Variants in SPRYD4 observed in about 807,000 individuals in gnomAD.
SPRYD4 encodes the protein SPRY domain-containing protein 4.
SPRYD4 carries 12 observed loss-of-function variants against 16.6 expected under a neutral mutation model. The ratio of observed to expected loss-of-function variants is 0.72; its 90% CI spans 0.46 to 1.17. SPRYD4 has a LOEUF of 1.17. Among genes scored for constraint, SPRYD4 ranks in the 50% most tolerant of loss-of-function variants. The pLI, the probability that SPRYD4 is intolerant of heterozygous loss-of-function variation, is 0.00. For missense variants in SPRYD4, 260 were observed against 260.2 expected (o/e 1.00, Z 0.00); for synonymous variants, 98 against 105.4 (o/e 0.93, Z 0.43).
Position 56,473,498 on chromosome 12 carries a change from G to C in SPRYD4, c.*3921G>C, listed in dbSNP as rs749286290. 6.2e-7 allele frequency: 1 copy of C among 1,613,936 alleles called. No individual in the cohort carries two copies. Among genetic ancestry groups the C allele is most frequent in the Admixed American group, 1.7e-5 (1 of 60,014 alleles). ...CTGGTCCCCCTATGGCTGTTCCCCAGCTTGTCCAATGGGGGTGACAGGCAC... is the reference window on the plus strand; with the variant it reads ...CTGGTCCCCCTATGGCTGTTCCCCACCTTGTCCAATGGGGGTGACAGGCAC... On this transcript the variant is annotated 3_prime_UTR_variant, in exon 2 of 2. Transcript: ENST00000338146.
At position 56,469,993 on chromosome 12, in the gene SPRYD4, G is replaced by C. The variant is rs1869167531; in HGVS notation, c.*416G>C. On this transcript the variant is annotated 3_prime_UTR_variant, in exon 2 of 2. Transcript: ENST00000338146. Reference sequence around the variant, plus strand: ...CTTGGGGCTCTACCAGATGGCTGAAGAGTAAATCCTTTCTACCTCTGGCTG... The same window carrying C: ...CTTGGGGCTCTACCAGATGGCTGAACAGTAAATCCTTTCTACCTCTGGCTG... 1 of 177,568 alleles carries C rather than the reference G, an allele frequency of 5.6e-6. No individual in the cohort carries two copies. Among genetic ancestry groups the C allele is most frequent in the Admixed American group, 5.4e-5 (1 of 18,590 alleles). 11.0% of individuals were successfully genotyped at this position (177,568 alleles called of 1,614,324 possible). A position where few individuals can be genotyped will look rare whatever the true frequency, so the allele number is the denominator to read the frequency against.
rs111757677 is a variant in SPRYD4, at chr12:56,469,637, G to C, written c.*60G>C. On this transcript the variant is annotated 3_prime_UTR_variant, in exon 2 of 2. Coordinates refer to ENST00000338146, the MANE Select transcript of SPRYD4 (RefSeq NM_207344.4). Reference sequence around the variant, plus strand: ...GGCCAGCCTCCTTTTGAAAGTGTCCGAAGCCTTTTTACTTTGCCTCAAGCA... The same window carrying C: ...GGCCAGCCTCCTTTTGAAAGTGTCCCAAGCCTTTTTACTTTGCCTCAAGCA... 6.6e-7 allele frequency: 1 copy of C among 1,507,794 alleles called. No homozygotes were observed. The highest frequency in any genetic ancestry group is 8.9e-7 in the Non-Finnish European group (1 of 1,126,340). 93.4% of individuals were successfully genotyped at this position (1,507,794 alleles called of 1,614,324 possible). A position where few individuals can be genotyped will look rare whatever the true frequency, so the allele number is the denominator to read the frequency against.
chr12:56,477,990 A>G lies in SPRYD4; in HGVS notation c.*8413A>G. 6.2e-7 allele frequency: 1 copy of G among 1,614,192 alleles called. No individual in the cohort carries two copies. The highest frequency in any genetic ancestry group is 8.5e-7 in the Non-Finnish European group (1 of 1,180,034). On this transcript the variant is annotated 3_prime_UTR_variant, in exon 2 of 2. Coordinates refer to ENST00000338146, the MANE Select transcript of SPRYD4 (RefSeq NM_207344.4). ...AGGCCACTTGGCTCTTTGCCCACAAACTTGTGCACGTAGTCAGTGCCTAGG... is the reference window on the plus strand; with the variant it reads ...AGGCCACTTGGCTCTTTGCCCACAAGCTTGTGCACGTAGTCAGTGCCTAGG...
chr12:56,468,645 A>T lies in SPRYD4; in HGVS notation c.54A>T (p.Arg18=). The T allele has an allele frequency of 6.2e-7, 1 of 1,614,072 alleles. No individual in the cohort carries two copies. The highest frequency in any genetic ancestry group is 8.5e-7 in the Non-Finnish European group (1 of 1,179,976). ...SLRLCRWGAK[R]LGVASTEAQR... is the part of the protein sequence containing the mutation. ...GCTTGTGCCGCTGGGGAGCCAAACGATTGGGAGTTGCCTCCACAGAGGCCC... is the reference window on the plus strand; with the variant it reads ...GCTTGTGCCGCTGGGGAGCCAAACGTTTGGGAGTTGCCTCCACAGAGGCCC... Residue 18 remains arginine, a synonymous_variant, in exon 1 of 2, where the codon CGA becomes CGT. Transcript: ENST00000338146.
chr12:56,478,150 C>A lies in SPRYD4; in HGVS notation c.*8573C>A. ...GTTGGCCTGTGTTCGGCACCTGTGC[C>A]CTGCCTCCCCTTCCTCTTGCCCAGC... On this transcript the variant is annotated 3_prime_UTR_variant, in exon 2 of 2. Coordinates refer to ENST00000338146, the MANE Select transcript of SPRYD4 (RefSeq NM_207344.4). 1.2e-6 allele frequency: 2 copies of A among 1,614,144 alleles called. No individual in the cohort carries two copies. Among genetic ancestry groups the A allele is most frequent in the Non-Finnish European group, 8.5e-7 (1 of 1,180,004 alleles).
In SPRYD4 at chr12:56,473,168, C is replaced by T. The variant is rs1033431557; in HGVS notation, c.*3591C>T. ...CCTCTCAAAGTGCAGGGATTACAGG[C>T]GTGAGCCACCGCACCTGGCCTTTGA... On this transcript the variant is annotated 3_prime_UTR_variant, in exon 2 of 2. Coordinates refer to ENST00000338146, the MANE Select transcript of SPRYD4 (RefSeq NM_207344.4). 48 of 1,492,592 alleles carry T rather than the reference C, an allele frequency of 3.2e-5. No individual in the cohort carries two copies. Among genetic ancestry groups the T allele is most frequent in the African/African-American group, 2.6e-4 (19 of 72,312 alleles). The allele number at this position is 1,492,592 out of a possible 1,614,324, so 92.5% of individuals were successfully genotyped here. A position where few individuals can be genotyped will look rare whatever the true frequency, so the allele number is the denominator to read the frequency against.
In SPRYD4 at chr12:56,471,565, G is replaced by A; in HGVS notation, c.*1988G>A. The A allele has an allele frequency of 1.2e-6, 2 of 1,614,170 alleles. No individual in the cohort carries two copies. The highest frequency in any genetic ancestry group is 1.7e-6 in the Non-Finnish European group (2 of 1,180,020). The stretch of plus-strand genomic sequence containing the variant: ...CCTGAGTTTCAGAGAGTGTGTAGGA[G>A]TCCTGGTAATCTTGAAGCAGTTTGA... On this transcript the variant is annotated 3_prime_UTR_variant, in exon 2 of 2. Transcript: ENST00000338146.
At position 56,473,330 on chromosome 12, in the gene SPRYD4, T is replaced by G; in HGVS notation, c.*3753T>G. ...AGAGAGACACCAACTTCTAGAATTG[T>G]AAGCCAAATATATTGTTTATTTACT... On this transcript the variant is annotated 3_prime_UTR_variant, in exon 2 of 2. Coordinates refer to ENST00000338146, the MANE Select transcript of SPRYD4 (RefSeq NM_207344.4). 6.2e-7 allele frequency: 1 copy of G among 1,614,006 alleles called. No individual in the cohort carries two copies. The highest frequency in any genetic ancestry group is 1.3e-5 in the African/African-American group (1 of 75,058).
chr12:56,475,314 CA>C lies in SPRYD4; in HGVS notation c.*5740del. The C allele has an allele frequency of 7.6e-7, 1 of 1,311,182 alleles. No homozygotes were observed. The highest frequency in any genetic ancestry group is 1.0e-6 in the Non-Finnish European group (1 of 969,316). The allele number at this position is 1,311,182 out of a possible 1,614,324, so 81.2% of individuals were successfully genotyped here. A position where few individuals can be genotyped will look rare whatever the true frequency, so the allele number is the denominator to read the frequency against. On this transcript the variant is annotated 3_prime_UTR_variant, in exon 2 of 2. Coordinates refer to ENST00000338146, the MANE Select transcript of SPRYD4 (RefSeq NM_207344.4). ...GTTTTGTTATAAAGTAAACCCAAACCAAACACCCCAAACTGTCTAGTCATCT... is the reference window on the plus strand; with the variant it reads ...GTTTTGTTATAAAGTAAACCCAAACCAACACCCCAAACTGTCTAGTCATCT...
chr12:56,472,882 ATTCT>A lies in SPRYD4; in HGVS notation c.*3308_*3311del. The A allele has an allele frequency of 1.8e-6, 1 of 544,650 alleles. No individual in the cohort carries two copies. Among genetic ancestry groups the A allele is most frequent in the South Asian group, 2.4e-5 (1 of 40,998 alleles). 33.7% of individuals were successfully genotyped at this position (544,650 alleles called of 1,614,324 possible). A position where few individuals can be genotyped will look rare whatever the true frequency, so the allele number is the denominator to read the frequency against. ...GTTATGGAATGTGCTACTCTGAAAT[ATTCT>A]TTTTTTTTTTTTTTTTTTTGAGACG... is the stretch of plus-strand genomic sequence containing the variant. On this transcript the variant is annotated 3_prime_UTR_variant, in exon 2 of 2. Coordinates refer to ENST00000338146, the MANE Select transcript of SPRYD4 (RefSeq NM_207344.4).
chr12:56,471,897 A>C lies in SPRYD4; in HGVS notation c.*2320A>C. 6.5e-7 allele frequency: 1 copy of C among 1,540,152 alleles called. No homozygotes were observed. The highest frequency in any genetic ancestry group is 1.7e-5 in the Admixed American group (1 of 59,930). ...AGGTCTTGAACCCTTTGGTGCAGAC[A>C]CTTAGCCACTGAAGTCTTTACCAAG... is the stretch of plus-strand genomic sequence containing the variant. On this transcript the variant is annotated 3_prime_UTR_variant, in exon 2 of 2. Transcript: ENST00000338146.
Position 56,472,652 on chromosome 12 carries a change from A to C in SPRYD4, c.*3075A>C. 1.9e-6 allele frequency: 3 copies of C among 1,575,260 alleles called. No homozygotes were observed. The highest frequency in any genetic ancestry group is 2.6e-6 in the Non-Finnish European group (3 of 1,145,230). ...CCTCCTAGTAAAATCTCTGACCAGG[A>C]GTATTTTATTGTGTATATTTGGTCA... On this transcript the variant is annotated 3_prime_UTR_variant, in exon 2 of 2. Transcript: ENST00000338146.
rs113881795 is a variant in SPRYD4, at chr12:56,476,110, C to CT, written c.*6540dup. On this transcript the variant is annotated 3_prime_UTR_variant, in exon 2 of 2. Transcript: ENST00000338146. ...AAATGTGTTCAATTTTATAATGGCC[C>CT]TTTTTTTATCCTTCTGAAAACACCG... 3.3e-3 allele frequency: 2,561 copies of CT among 766,332 alleles called. 36 individuals carry two copies. The African/African-American group carries it at 0.034, about 10-fold the overall frequency. 47.5% of individuals were successfully genotyped at this position (766,332 alleles called of 1,614,324 possible).
In SPRYD4 at chr12:56,471,295, C is replaced by T. The variant is rs1278035013; in HGVS notation, c.*1718C>T. ...CTGTACTGCAGGTGTCCTCTGAGGC[C>T]CTTCTCTGTACTCTGTCTGCTGAGG... On this transcript the variant is annotated 3_prime_UTR_variant, in exon 2 of 2. Transcript: ENST00000338146. 2 of 582,488 alleles carry T rather than the reference C, an allele frequency of 3.4e-6. No individual in the cohort carries two copies. The highest frequency in any genetic ancestry group is 1.9e-5 in the African/African-American group (1 of 53,456). The allele number at this position is 582,488 out of a possible 1,614,324, so 36.1% of individuals were successfully genotyped here.
chr12:56,476,029 G>A lies in SPRYD4; in HGVS notation c.*6452G>A, dbSNP rs759803085. On this transcript the variant is annotated 3_prime_UTR_variant, in exon 2 of 2. Coordinates refer to ENST00000338146, the MANE Select transcript of SPRYD4 (RefSeq NM_207344.4). ...ATTCTAAGTGTAGGAGGATGACAGA[G>A]GGAAGGGTCAGAAGGATCTAGTGGA... The A allele has an allele frequency of 2.5e-6, 4 of 1,574,506 alleles. No individual in the cohort carries two copies. Among genetic ancestry groups the A allele is most frequent in the Non-Finnish European group, 3.5e-6 (4 of 1,150,630 alleles).
chr12:56,472,805 G>A lies in SPRYD4; in HGVS notation c.*3228G>A. 3 of 1,518,446 alleles carry A rather than the reference G, an allele frequency of 2.0e-6. No homozygotes were observed. The highest frequency in any genetic ancestry group is 2.3e-5 in the East Asian group (1 of 44,296). 94.1% of individuals were successfully genotyped at this position (1,518,446 alleles called of 1,614,324 possible). On this transcript the variant is annotated 3_prime_UTR_variant, in exon 2 of 2. Coordinates refer to ENST00000338146, the MANE Select transcript of SPRYD4 (RefSeq NM_207344.4). The stretch of plus-strand genomic sequence containing the variant: ...TTAATTGAACTCACCTATGCCAGCT[G>A]TGCCCTGTGACCCTCCTCCATGGAT...
chr12:56,469,453 T>C lies in SPRYD4; in HGVS notation c.500T>C (p.Val167Ala). The C allele has an allele frequency of 6.2e-7, 1 of 1,614,040 alleles. No individual in the cohort carries two copies. The change falls in exon 2 of 2, where the codon GTG (valine) becomes GCG (alanine). Residue 167 changes from valine (V) to alanine (A), a missense_variant. By Grantham distance (64) the Val-to-Ala change is moderately conservative. Transcript: ENST00000338146. ...GCCCAGAAGCTGAGCCTGGTGGATG[T>C]GAGCCAGGTCTCTGTGGTTCACACG... ...YEAQKLSLVD[V>A]SQVSVVHTLQ...
chr12:56,474,736 A>G lies in SPRYD4; in HGVS notation c.*5159A>G. 2 of 1,608,668 alleles carry G rather than the reference A, an allele frequency of 1.2e-6. No homozygotes were observed. The highest frequency in any genetic ancestry group is 1.7e-6 in the Non-Finnish European group (2 of 1,176,438). The stretch of plus-strand genomic sequence containing the variant: ...CAGAACACAGCTATGAAAACAAAGA[A>G]TAGGTGAAGATGTGACGTGAACCTG... On this transcript the variant is annotated 3_prime_UTR_variant, in exon 2 of 2. Coordinates refer to ENST00000338146, the MANE Select transcript of SPRYD4 (RefSeq NM_207344.4).
chr12:56,478,484 A>C lies in SPRYD4; in HGVS notation c.*8907A>C. ...TCCTGTAGAGATAGCAGTAAAGCCA[A>C]TGGAAGTTAAAAAAGGAGAATTCTG... On this transcript the variant is annotated 3_prime_UTR_variant, in exon 2 of 2. Coordinates refer to ENST00000338146, the MANE Select transcript of SPRYD4 (RefSeq NM_207344.4). The C allele has an allele frequency of 1.9e-6, 1 of 537,954 alleles. No homozygotes were observed. Among genetic ancestry groups the C allele is most frequent in the Non-Finnish European group, 3.3e-6 (1 of 300,992 alleles). The allele number at this position is 537,954 out of a possible 1,614,324, so 33.3% of individuals were successfully genotyped here.
Sources: gnomAD v4.1 joint callset for allele counts on GRCh38, gnomAD v4.1.1 for gene constraint, MANE v1.5 for transcripts, NCBI Gene and HGNC (gene_info 2026-07-23, HGNC 2026-07-21) for gene names.